The following PPIL2 variants were observed in gnomAD, a reference collection of about 807,000 sequenced individuals.
The protein encoded by PPIL2 is RING-type E3 ubiquitin-protein ligase PPIL2.
In PPIL2, 50 loss-of-function variants were observed where a neutral mutation model predicts 75.2. That is an observed-to-expected ratio of 0.66 (90% confidence interval 0.53 to 0.84). The LOEUF is 0.84. Ranked by LOEUF, PPIL2 falls within the 40% of genes least tolerant of loss-of-function variation. The pLI is 0.00. For missense variants in PPIL2, 590 were observed against 685.0 expected (o/e 0.86, Z 1.55); for synonymous variants, 245 against 258.8 (o/e 0.95, Z 0.51).
intron 6 of PPIL2, among the ~76,000 whole-genome samples, chr22:21,678,491 A>G (rs925453244): frequency 1.3e-5 from 2 of 151,990 alleles, no homozygotes; most frequent in South Asian, 4.2e-4. Context: ...TCAGCCTCCC[A>G]AAGTGCTGGG....
intron 1 of PPIL2, among the ~76,000 whole-genome samples, chr22:21,667,151 C>CCT (rs2066420368): frequency 3.8e-5 from 4 of 104,472 alleles, no homozygotes; most frequent in African/African-American, 6.9e-5. Flanking sequence ...CCTCAGTCCT[C>CCT]ATTTTTTTTT....
At chr22:21,667,408 G>A (rs375658533) in intron 1 of PPIL2, among the ~76,000 whole-genome samples, 29 of 151,522 alleles carry the variant, frequency 1.9e-4, no homozygotes, top group Non-Finnish European at 2.2e-4. Flanking sequence ...CACCTGCCTC[G>A]GCCTCCCAAA....
intron 1 of PPIL2, among the ~76,000 whole-genome samples, chr22:21,666,724 G>T (rs1214923614): frequency 6.6e-6 from 1 of 152,072 alleles, no homozygotes; most frequent in Non-Finnish European, 1.5e-5. Context: ...CAGGGGAATC[G>T]CTTGAACCCG....
At chr22:21,671,141 G>A in intron 4 of PPIL2, 82 bp downstream of exon 4, 1 of 1,378,060 alleles carries the variant, frequency 7.3e-7, no homozygotes. Flanking sequence ...GTACCCTTGG[G>A]TAGGGCTCTT....
rs1273489148 is a variant in PPIL2, at chr22:21,666,198, G to A, written c.32+67G>A. ...CAGTGAACCGCCTGTCCCGCACTGC[G>A]CGCCGCTCGCCTTCCCTCTCAGCTA... On this transcript the variant is annotated intron_variant, in intron 1 of 19. Transcript: ENST00000398831. 2.6e-6 allele frequency: 4 copies of A among 1,525,018 alleles called. 1 individual carries two copies. Among genetic ancestry groups the A allele is most frequent in the South Asian group, 2.4e-5 (2 of 84,938 alleles). 94.5% of individuals were successfully genotyped at this position (1,525,018 alleles called of 1,614,324 possible).
At chr22:21,679,626 G>A (rs754727225) in intron 6 of PPIL2, among the ~76,000 whole-genome samples, 4 of 151,260 alleles carry the variant, frequency 2.6e-5, no homozygotes, top group South Asian at 4.2e-4. Flanking sequence ...ACAAAAAAAC[G>A]GGGTCTCAGC....
At chr22:21,682,596 C>T (rs2067178689) in intron 8 of PPIL2, 70 bp downstream of exon 8, 1 of 798,676 alleles carries the variant, frequency 1.3e-6, no homozygotes, top group South Asian at 2.1e-5. Flanking sequence ...TCTACAGGGC[C>T]CTACCCCCAC....
At chr22:21,690,642 C>T (rs1170442083) in intron 15 of PPIL2, among the ~76,000 whole-genome samples, 1 of 152,140 alleles carries the variant, frequency 6.6e-6, no homozygotes, top group Non-Finnish European at 1.5e-5. Flanking sequence ...TAATTGTTTT[C>T]AGTTTCTGTC....
intron 9 of PPIL2, 87 bp downstream of exon 9, chr22:21,683,344 G>A: frequency 8.4e-7 from 1 of 1,189,666 alleles, no homozygotes; most frequent in East Asian, 2.4e-5. Flanking sequence ...CCGCTTTCCT[G>A]GAGGTCAGGG....
Position 21,694,683 on chromosome 22 carries a change from TG to T in PPIL2, c.1269+22del. The T allele has an allele frequency of 1.9e-6, 3 of 1,613,468 alleles. No homozygotes were observed. The highest frequency in any genetic ancestry group is 2.5e-6 in the Non-Finnish European group (3 of 1,179,836). On this transcript the variant is annotated intron_variant, in intron 17 of 19. Coordinates refer to ENST00000398831, the MANE Select transcript of PPIL2 (RefSeq NM_014337.4). ...GCCCTAAGGTCTGTGCCCAGGGAGG[TG>T]GGGCGTGGCGGCTGGGGGCCAGGCA...
chr22:21,688,672 T>G, intron 14 of PPIL2, 60 bp from the exon 15 acceptor site: 1 of 1,535,732 alleles, frequency 6.5e-7, no homozygotes, highest in South Asian at 1.1e-5. Context: ...CTCTGAGGTT[T>G]CTAGTTCTGC....
In PPIL2 at chr22:21,684,784, T is replaced by C; in HGVS notation, c.585T>C (p.Tyr195=). The change falls in exon 10 of 20, where the codon TAT becomes TAC. Residue 195 remains tyrosine, a synonymous_variant. Coordinates refer to ENST00000398831, the MANE Select transcript of PPIL2 (RefSeq NM_014337.4). ...DEEKAKQDPS[Y]YLKNTNAETR... ...AGAAGGCCAAACAGGACCCGTCTTA[T>C]TATCTGAAAAATACAAATGCCGAGA... 4 of 1,614,112 alleles carry C rather than the reference T, an allele frequency of 2.5e-6. No individual in the cohort carries two copies. The highest frequency in any genetic ancestry group is 2.2e-5 in the South Asian group (2 of 91,086).
chr22:21,692,342 G>A (rs1472297239), intron 15 of PPIL2, among the ~76,000 whole-genome samples: 1 of 151,698 alleles, frequency 6.6e-6, no homozygotes, highest in Middle Eastern at 3.4e-3. Flanking sequence ...TTTTAGTAGA[G>A]ATGGGGTTTC....
intron 9 of PPIL2, 46 bp from the exon 10 acceptor site, chr22:21,684,707 G>C: frequency 6.2e-7 from 1 of 1,603,144 alleles, no homozygotes; most frequent in Non-Finnish European, 8.5e-7. Context: ...TGTGTGGGGA[G>C]GCTACTGGGG....
chr22:21,681,400 C>T lies in PPIL2; in HGVS notation c.387+10C>T, dbSNP rs765064343. On this transcript the variant is annotated intron_variant, in intron 7 of 19. Coordinates refer to ENST00000398831, the MANE Select transcript of PPIL2 (RefSeq NM_014337.4). ...CGTCTACGCCTATGAGGTGTGTCCTCGCTCCGGGGCGTGGAGACAGCGGTG... is the reference window on the plus strand; with the variant it reads ...CGTCTACGCCTATGAGGTGTGTCCTTGCTCCGGGGCGTGGAGACAGCGGTG... 20 of 1,602,566 alleles carry T rather than the reference C, an allele frequency of 1.2e-5. No individual in the cohort carries two copies. Among genetic ancestry groups the T allele is most frequent in the Admixed American group, 1.0e-4 (6 of 59,996 alleles).
chr22:21,670,633 C>T, intron 3 of PPIL2, 22 bp downstream of exon 3: 1 of 1,596,220 alleles, frequency 6.3e-7, no homozygotes, highest in Admixed American at 1.7e-5. Context: ...GCGAGTTTAC[C>T]TTTCCCTTGT....
chr22:21,689,186 G>T (rs1012963638), intron 15 of PPIL2, among the ~76,000 whole-genome samples: 4 of 152,232 alleles, frequency 2.6e-5, no homozygotes, highest in African/African-American at 9.6e-5. Context: ...GTTGTGCAGG[G>T]CACAGGCTGC....
chr22:21,689,978 AC>A lies in PPIL2; in HGVS notation c.1139+1130del, dbSNP rs1217623386. ...CGTGGCCTTCTGCCAGCTCACTGTC[AC>A]ACGTGGTCTCGGTTGTGTGGACTGG... On this transcript the variant is annotated intron_variant, in intron 15 of 19. Transcript: ENST00000398831. Among the ~76,000 whole-genome samples, 4 of 151,666 alleles carry A rather than the reference AC, an allele frequency of 2.6e-5. No homozygotes were observed. The East Asian group carries it at 7.8e-4, about 29-fold the overall frequency.
intron 15 of PPIL2, among the ~76,000 whole-genome samples, chr22:21,689,539 C>T (rs775597905): frequency 1.3e-5 from 2 of 152,062 alleles, no homozygotes; most frequent in South Asian, 4.1e-4. Flanking sequence ...AACTACCGTT[C>T]ATTTTATATC....
Sources: gnomAD v4.1 joint callset for allele counts (sites outside exome capture counted in the v4.1 genomes callset) on GRCh38, gnomAD v4.1.1 for gene constraint, MANE v1.5 for transcripts, NCBI Gene and HGNC (gene_info 2026-07-23, HGNC 2026-07-21) for gene names.